The following PATL2 variants were observed in gnomAD, a reference collection of about 807,000 sequenced individuals.
PATL2 encodes the protein PAT1 homolog 2.
In PATL2, 73 loss-of-function variants were observed where a neutral mutation model predicts 77.0. That is an observed-to-expected ratio of 0.95 (90% CI 0.78 to 1.15). The LOEUF (loss-of-function observed/expected upper bound fraction) is 1.15, where lower values mean the gene tolerates loss of function less well. PATL2 is among the 50% of genes most tolerant of loss of function. PATL2 has a pLI of 0.00. For missense variants in PATL2, 618 were observed against 655.4 expected (o/e 0.94, Z 0.62); for synonymous variants, 265 against 257.1 (o/e 1.03, Z -0.29).
chr15:44,666,073 A>G, intron 17 of PATL2, 102 bp from the exon 18 acceptor site: 2 of 1,092,408 alleles, frequency 1.8e-6, no homozygotes, highest in Middle Eastern at 4.3e-4. Context: ...TTCTGAGGAC[A>G]GAGATGACCA....
At chr15:44,666,894 T>C (rs1198174827) in intron 16 of PATL2, 3 of 524,326 alleles carry the variant, frequency 5.7e-6, no homozygotes, top group Admixed American at 7.2e-5. Flanking sequence ...CTAAAGCTTG[T>C]CCCCTTAGGT....
intron 6 of PATL2, 140 bp downstream of exon 6, chr15:44,674,010 C>A: frequency 2.7e-6 from 2 of 742,394 alleles, no homozygotes. Flanking sequence ...TTATCAAGCT[C>A]CTCTATGATG....
At position 44,711,300 on chromosome 15, in the gene PATL2, G is replaced by A. The variant is rs1275671644; in HGVS notation, c.-534C>T. The A allele has an allele frequency of 1.7e-6, 1 of 604,398 alleles. No individual in the cohort carries two copies. Among genetic ancestry groups the A allele is most frequent in the Non-Finnish European group, 3.0e-6 (1 of 336,732 alleles). The allele number at this position is 604,398 out of a possible 1,614,324, so 37.4% of individuals were successfully genotyped here. ...CAAGCTGGGGCGCGCACCCCAGATC[G>A]GAGGGCGCCGATGTACAGACAGCAA... On this transcript the variant is annotated 5_prime_UTR_variant, in exon 1 of 18. Coordinates refer to ENST00000682850, the MANE Select transcript of PATL2 (RefSeq NM_001387263.1).
At chr15:44,689,178 G>A (rs2086330045) in intron 3 of PATL2, among the ~76,000 whole-genome samples, 1 of 152,224 alleles carries the variant, frequency 6.6e-6, no homozygotes, top group Non-Finnish European at 1.5e-5. Flanking sequence ...ACTCATGCCA[G>A]TTAGAATGGT....
At chr15:44,683,069 G>C (rs1473224035) in intron 3 of PATL2, among the ~76,000 whole-genome samples, 1 of 152,186 alleles carries the variant, frequency 6.6e-6, no homozygotes, top group East Asian at 1.9e-4. Context: ...CAGATACTAC[G>C]CTTTTCCCAT....
rs2085336913 is a variant in PATL2 at position 44,665,793 on chromosome 15, T to G, written c.*160A>C. 6.6e-7 allele frequency: 1 copy of G among 1,511,014 alleles called. No homozygotes were observed. Among genetic ancestry groups the G allele is most frequent in the South Asian group, 1.3e-5 (1 of 78,886 alleles). 93.6% of individuals were successfully genotyped at this position (1,511,014 alleles called of 1,614,324 possible). The stretch of plus-strand genomic sequence containing the variant: ...CATGTCTTATTTTTAGGCACATCAT[T>G]TAGATTTTTGAAGAAAGGATATGAA... On this transcript the variant is annotated 3_prime_UTR_variant, in exon 18 of 18. Coordinates refer to ENST00000682850, the MANE Select transcript of PATL2 (RefSeq NM_001387263.1).
chr15:44,671,392 G>C (rs890124851), intron 9 of PATL2, among the ~76,000 whole-genome samples: 9 of 152,152 alleles, frequency 5.9e-5, no homozygotes, highest in African/African-American at 2.2e-4. Flanking sequence ...GGGAGGCTGA[G>C]GCAGGAGAAT....
At chr15:44,666,286 T>A (rs189474564) in intron 17 of PATL2, 106 bp downstream of exon 17, 1 of 1,410,048 alleles carries the variant, frequency 7.1e-7, no homozygotes, top group African/African-American at 1.4e-5. Flanking sequence ...TAAAAACACA[T>A]GATCCTTCAT....
intron 3 of PATL2, among the ~76,000 whole-genome samples, chr15:44,680,031 A>T (rs2086098254): frequency 6.6e-6 from 1 of 152,026 alleles, no homozygotes; most frequent in Non-Finnish European, 1.5e-5. Context: ...AAATTACCCC[A>T]ATTCCCTCTG....
In PATL2 at chr15:44,676,526, C is replaced by G; in HGVS notation, c.-36G>C. 6.4e-7 allele frequency: 1 copy of G among 1,551,336 alleles called. No individual in the cohort carries two copies. Among genetic ancestry groups the G allele is most frequent in the Non-Finnish European group, 8.7e-7 (1 of 1,146,770 alleles). Reference sequence around the variant, plus strand: ...TGGTGGACTTCCTTCTTAGCCGTGTCCTCCAGTGAAACAGCATTGCCAGCC... The same window carrying G: ...TGGTGGACTTCCTTCTTAGCCGTGTGCTCCAGTGAAACAGCATTGCCAGCC... On this transcript the variant is annotated 5_prime_UTR_variant, in exon 4 of 18. Coordinates refer to ENST00000682850, the MANE Select transcript of PATL2 (RefSeq NM_001387263.1).
chr15:44,694,343 T>G (rs185048859), intron 3 of PATL2, among the ~76,000 whole-genome samples: 33 of 152,322 alleles, frequency 2.2e-4, no homozygotes, highest in Admixed American at 1.0e-3. Flanking sequence ...TAAATTGTCT[T>G]TTAGCAAACT....
chr15:44,688,115 G>A (rs1328125776), intron 3 of PATL2, among the ~76,000 whole-genome samples: 3 of 151,582 alleles, frequency 2.0e-5, no homozygotes, highest in African/African-American at 7.3e-5. Context: ...GTGTGGTGGC[G>A]GGTGCCTGCA....
chr15:44,696,663 G>T (rs997331010), intron 3 of PATL2, among the ~76,000 whole-genome samples: 2 of 151,986 alleles, frequency 1.3e-5, no homozygotes, highest in African/African-American at 4.8e-5. Flanking sequence ...GCCTCATATG[G>T]ATCCTGGGAG....
At chr15:44,696,544 G>A (rs2086506951) in intron 3 of PATL2, among the ~76,000 whole-genome samples, 1 of 152,098 alleles carries the variant, frequency 6.6e-6, no homozygotes, top group Non-Finnish European at 1.5e-5. Context: ...CTGATAGACT[G>A]CAATGGTTAC....
chr15:44,709,617 G>T lies in PATL2; in HGVS notation c.-76+479C>A, dbSNP rs141804233. 7.3e-3 allele frequency among the ~76,000 whole-genome samples: 1,114 copies of T among 152,228 alleles called. 16 individuals carry two copies. Among genetic ancestry groups the T allele is most frequent in the African/African-American group, 0.023 (966 of 41,538 alleles). On this transcript the variant is annotated intron_variant, in intron 3 of 17. Coordinates refer to ENST00000682850, the MANE Select transcript of PATL2 (RefSeq NM_001387263.1). ...CAGTGCTCTTGTTTTTAAACAAATA[G>T]TTGTATACATAATTTTCCCCCTCAC... is the stretch of plus-strand genomic sequence containing the variant.
intron 3 of PATL2, among the ~76,000 whole-genome samples, chr15:44,692,683 G>A (rs138464622): frequency 6.6e-6 from 1 of 152,396 alleles, no homozygotes; most frequent in African/African-American, 2.4e-5. Context: ...AGGTTGTAGA[G>A]GCATTTAGGC....
At chr15:44,676,670 T>C (rs2141215004) in intron 3 of PATL2, 105 bp from the exon 4 acceptor site, 2 of 1,267,408 alleles carry the variant, frequency 1.6e-6, no homozygotes, top group East Asian at 5.3e-5. Flanking sequence ...TAGAGAATTC[T>C]TGGCCATGGT....
In PATL2 at chr15:44,669,309, G is replaced by A; in HGVS notation, c.1035C>T (p.Thr345=). The A allele has an allele frequency of 6.4e-7, 1 of 1,551,546 alleles. No homozygotes were observed. The highest frequency in any genetic ancestry group is 1.2e-5 in the South Asian group (1 of 84,064). The stretch of plus-strand genomic sequence containing the variant: ...GGTTGTTCTGCTCCTGGGTCTTTAA[G>A]GTCTGGAAGAGCTTCTCAACCTGGT... The part of the protein sequence containing the change: ...QSNQVEKLFQ[T]LKTQEQNNLE... Residue 345 remains threonine, a synonymous_variant, in exon 13 of 18, where the codon ACC becomes ACT. Transcript: ENST00000682850.
chr15:44,679,526 C>T (rs1044325239), intron 3 of PATL2, among the ~76,000 whole-genome samples: 1 of 150,108 alleles, frequency 6.7e-6, no homozygotes, highest in Non-Finnish European at 1.5e-5. Flanking sequence ...CCGTGCCTGG[C>T]CAATTTTTTT....
Sources: allele counts gnomAD v4.1 joint callset (sites outside exome capture counted in the v4.1 genomes callset), GRCh38; gene constraint gnomAD v4.1.1; transcripts MANE v1.5; gene names NCBI Gene and HGNC (gene_info 2026-07-23, HGNC 2026-07-21).